The following PER1 variants were observed in gnomAD, a reference collection of about 807,000 sequenced individuals.
PER1 encodes period circadian regulator 1.
In PER1, 87 loss-of-function variants were observed where a neutral mutation model predicts 125.9. The observed-to-expected ratio is 0.69, with a 90% confidence interval of 0.58 to 0.83. The LOEUF (loss-of-function observed/expected upper bound fraction) is 0.83. Among genes scored for constraint, PER1 ranks in the 40% least tolerant of loss-of-function variants. PER1 has a pLI of 0.00. For synonymous variants in PER1, 801 were observed against 714.7 expected, an observed-to-expected ratio of 1.12 and a Z score of -1.93; for missense variants, 1,775 against 1,722.8, an observed-to-expected ratio of 1.03 and a Z score of -0.54.
At position 8,143,653 on chromosome 17, in the gene PER1, G is replaced by A. The variant is rs769568741; in HGVS notation, c.2685C>T (p.Pro895=). ...ATGTGGGAGCAGGGGGAAGAGGCTG[G>A]GGGCCTCCTCGAGGAGAGAACACTG... is the stretch of plus-strand genomic sequence containing the variant. ...PLPVFSPRGG[P]QPLPPAPTSV... is the part of the protein sequence containing the mutation. The change falls in exon 19 of 23, where the codon CCC becomes CCT. Residue 895 remains proline (P), a synonymous_variant. Transcript: ENST00000317276. 6.8e-7 allele frequency: 1 copy of A among 1,459,952 alleles called. No individual in the cohort carries two copies. Among genetic ancestry groups the A allele is most frequent in the Non-Finnish European group, 9.1e-7 (1 of 1,098,466 alleles). The allele number at this position is 1,459,952 out of a possible 1,614,324, so 90.4% of individuals were successfully genotyped here.
At position 8,142,415 on chromosome 17, in the gene PER1, G is replaced by A. The variant is rs762847470; in HGVS notation, c.3303C>T (p.Ile1101=). The A allele has an allele frequency of 1.9e-5, 30 of 1,605,052 alleles. No individual in the cohort carries two copies. The highest frequency in any genetic ancestry group is 2.4e-5 in the Non-Finnish European group (28 of 1,176,220). The change falls in exon 21 of 23, where the codon ATC becomes ATT. Residue 1101 remains isoleucine (I), a synonymous_variant. Coordinates refer to ENST00000317276, the MANE Select transcript of PER1 (RefSeq NM_002616.3). ...CCCCAGCCTCAGCCTCGGAAGAGTCGATGCTGCCAAAGTATTTGCTTGTGT... is the reference window on the plus strand; with the variant it reads ...CCCCAGCCTCAGCCTCGGAAGAGTCAATGCTGCCAAAGTATTTGCTTGTGT... ...SSHTSKYFGS[I]DSSEAEAGAA... is the part of the protein sequence containing the mutation.
chr17:8,144,705 C>T, intron 18 of PER1, 46 bp downstream of exon 18: 5 of 1,540,986 alleles, frequency 3.2e-6, no homozygotes, highest in Non-Finnish European at 4.4e-6. Flanking sequence ...ACAATCCAGT[C>T]CTAGACTGGG....
intron 7 of PER1, chr17:8,149,045 T>C (rs2518026): frequency 0.61 from 369,389 of 608,484 alleles, 113,198 homozygotes; most frequent in Admixed American, 0.66. Flanking sequence ...AAAAATTAGC[T>C]GGGCGTGGTG....
chr17:8,147,353 A>G lies in PER1; in HGVS notation c.1526T>C (p.Leu509Pro). 2 of 1,613,716 alleles carry G rather than the reference A, an allele frequency of 1.2e-6. No homozygotes were observed. The highest frequency in any genetic ancestry group is 1.7e-6 in the Non-Finnish European group (2 of 1,179,946). ...GGATGTCACGGCGCCGACTCCACAGAGTCCCGTGGGGCTGGGGCTGTGGAC... is the reference window on the plus strand; with the variant it reads ...GGATGTCACGGCGCCGACTCCACAGGGTCCCGTGGGGCTGGGGCTGTGGAC... ...QPVHSPSPTG[L>P]CGVGAVTSPG... Residue 509 changes from leucine to proline, a missense_variant, in exon 13 of 23, where the codon CTC becomes CCC. Coordinates refer to ENST00000317276, the MANE Select transcript of PER1 (RefSeq NM_002616.3).
chr17:8,151,910 T>C (rs1982883034), intron 1 of PER1, among the ~76,000 whole-genome samples: 1 of 152,116 alleles, frequency 6.6e-6, no homozygotes, highest in Non-Finnish European at 1.5e-5. Flanking sequence ...GAACCAGCGC[T>C]GGGAACGGGA....
chr17:8,144,997 A>C lies in PER1; in HGVS notation c.2219-4T>G. ...AGGTCCTCCATCATGATGATGTCTG[A>C]GGAGAGTGAGATAGGGAAAGGTCAT... On this transcript the variant is annotated splice_region_variant and splice_polypyrimidine_tract_variant and intron_variant, in intron 17 of 22. Transcript: ENST00000317276. The C allele has an allele frequency of 6.8e-7, 1 of 1,473,772 alleles. No homozygotes were observed. Among genetic ancestry groups the C allele is most frequent in the East Asian group, 2.4e-5 (1 of 41,240 alleles). The allele number at this position is 1,473,772 out of a possible 1,614,324, so 91.3% of individuals were successfully genotyped here. A position where few individuals can be genotyped will look rare whatever the true frequency, so the allele number is the denominator to read the frequency against.
rs763122730 is a variant in PER1 at position 8,141,157 on chromosome 17, T to C, written c.3784A>G (p.Ser1262Gly). ...TCCTCCATAGCCAAGTCCTGAGAGC[T>C]TGAAGCCTTGGCCCCGCCTTGGGCC... ...EEAQGGAKAS[S>G]SQDLAMEEEE... The change falls in exon 23 of 23, where the codon AGC becomes GGC. Residue 1262 changes from serine (S) to glycine (G), a missense_variant. Physicochemically the swap from Ser to Gly is moderately conservative, Grantham distance 56 (BLOSUM62 0). Transcript: ENST00000317276. 5.0e-6 allele frequency: 8 copies of C among 1,614,220 alleles called. No individual in the cohort carries two copies. Among genetic ancestry groups the C allele is most frequent in the East Asian group, 2.2e-5 (1 of 44,884 alleles).
chr17:8,150,095 C>T lies in PER1; in HGVS notation c.405G>A (p.Gln135=), dbSNP rs1982743352. Residue 135 remains glutamine, a synonymous_variant, in exon 4 of 23, where the codon CAG becomes CAA. Coordinates refer to ENST00000317276, the MANE Select transcript of PER1 (RefSeq NM_002616.3). ...CTCGAAGTGCTGTCATGAGTTCCTTCTGAGTCCTTGCCCGGGCTGACTGTT... is the reference window on the plus strand; with the variant it reads ...CTCGAAGTGCTGTCATGAGTTCCTTTTGAGTCCTTGCCCGGGCTGACTGTT... ...SSEQSARART[Q]KELMTALREL... is the part of the protein sequence containing the mutation. 1 of 1,614,226 alleles carries T rather than the reference C, an allele frequency of 6.2e-7. No homozygotes were observed. Among genetic ancestry groups the T allele is most frequent in the Non-Finnish European group, 8.5e-7 (1 of 1,180,036 alleles).
intron 1 of PER1, among the ~76,000 whole-genome samples, chr17:8,152,092 G>A (rs1004902145): frequency 6.6e-6 from 1 of 152,226 alleles, no homozygotes; most frequent in Non-Finnish European, 1.5e-5. Context: ...TCGGCTGTGG[G>A]GCCGGGAAAG....
rs1019967302 is a variant in PER1 at position 8,140,754 on chromosome 17, T to G, written c.*314A>C. The G allele has an allele frequency of 2.1e-5, 7 of 331,174 alleles. No homozygotes were observed. Among genetic ancestry groups the G allele is most frequent in the Non-Finnish European group, 1.1e-5 (2 of 176,680 alleles). The allele number at this position is 331,174 out of a possible 1,614,324, so 20.5% of individuals were successfully genotyped here. ...CAGCCCCAACCCTCAAGAGTCAGAT[T>G]CAGGCTCAGCTGGAATATGGAGAGG... On this transcript the variant is annotated 3_prime_UTR_variant, in exon 23 of 23. Coordinates refer to ENST00000317276, the MANE Select transcript of PER1 (RefSeq NM_002616.3).
In PER1 at chr17:8,141,831, G is replaced by A; in HGVS notation, c.3574C>T (p.Gln1192Ter). 6.2e-7 allele frequency: 1 copy of A among 1,613,704 alleles called. No homozygotes were observed. Among genetic ancestry groups the A allele is most frequent in the Non-Finnish European group, 8.5e-7 (1 of 1,179,960 alleles). The change falls in exon 22 of 23, where the codon CAA (glutamine) becomes TAA (stop). Residue 1192 changes from glutamine (Q) to a stop codon, truncating the protein, a stop_gained. Coordinates refer to ENST00000317276, the MANE Select transcript of PER1 (RefSeq NM_002616.3). LOFTEE classifies it high-confidence loss of function. The part of the protein sequence containing the change: ...GAVHSWVRKG[Q>*]LPRALDVMAC... ...ATCACATCAAGAGCCCGAGGCAGTTGGCCCTTCCGGACCCAGGAGTGCACA... is the reference window on the plus strand; with the variant it reads ...ATCACATCAAGAGCCCGAGGCAGTTAGCCCTTCCGGACCCAGGAGTGCACA...
intron 13 of PER1, 38 bp from the exon 14 acceptor site, chr17:8,147,040 G>A (rs1452889629): frequency 1.3e-6 from 2 of 1,545,044 alleles, no homozygotes; most frequent in East Asian, 2.2e-5. Context: ...GAACCAGGGG[G>A]TGTCGCCAGT....
intron 8 of PER1, 44 bp downstream of exon 8, chr17:8,148,600 C>T (rs1378902707): frequency 1.3e-6 from 2 of 1,553,756 alleles, no homozygotes. Flanking sequence ...GAGGAAATGT[C>T]CTTCCTCCCA....
rs746077366 is a variant in PER1, at chr17:8,145,940, C to G, written c.2218+18G>C. 10 of 1,578,096 alleles carry G rather than the reference C, an allele frequency of 6.3e-6. No homozygotes were observed. The highest frequency in any genetic ancestry group is 1.7e-4 in the Middle Eastern group (1 of 5,914). On this transcript the variant is annotated intron_variant, in intron 17 of 22. Transcript: ENST00000317276. ...ACCGGTGGAGCCCAAGCACTGCCCC[C>G]CAATTCCACACCCATACCCGACTCC... is the stretch of plus-strand genomic sequence containing the variant.
rs199630811 is a variant in PER1, at chr17:8,148,758, G to A, written c.934C>T (p.Arg312Trp). The part of the protein sequence containing the change: ...RGGPDRDPGP[R>W]YQPFRLTPYV... Reference sequence around the variant, plus strand: ...GGGGTTAGGCGGAATGGCTGGTACCGAGGCCCTGGATCCCGGTCAGGACCT... The same window carrying A: ...GGGGTTAGGCGGAATGGCTGGTACCAAGGCCCTGGATCCCGGTCAGGACCT... Residue 312 changes from arginine (R) to tryptophan (W), a missense_variant, in exon 8 of 23, where the codon CGG (arginine) becomes TGG (tryptophan). Transcript: ENST00000317276. 7.3e-5 allele frequency: 118 copies of A among 1,613,618 alleles called. 1 individual carries two copies. Among genetic ancestry groups the A allele is most frequent in the South Asian group, 5.9e-4 (54 of 91,026 alleles).
Position 8,147,285 on chromosome 17 carries a change from C to G in PER1, c.1594G>C (p.Gly532Arg). The G allele has an allele frequency of 6.2e-7, 1 of 1,613,024 alleles. No homozygotes were observed. The highest frequency in any genetic ancestry group is 8.5e-7 in the Non-Finnish European group (1 of 1,179,614). Reference protein sequence around the residue: ...HSPGSSSDSNGGDAEGPGPPA... With the variant: ...HSPGSSSDSNRGDAEGPGPPA... Reference sequence around the variant, plus strand: ...GGCCCAGGCCCCTCTGCATCACCCCCGTTGCTATCACTGGAGGACCCAGGG... The same window carrying G: ...GGCCCAGGCCCCTCTGCATCACCCCGGTTGCTATCACTGGAGGACCCAGGG... The change falls in exon 13 of 23, where the codon GGG (glycine) becomes CGG (arginine). Residue 532 changes from glycine (G) to arginine (R), a missense_variant. Gly to Arg is a moderately radical substitution (Grantham distance 125, BLOSUM62 -2). Coordinates refer to ENST00000317276, the MANE Select transcript of PER1 (RefSeq NM_002616.3).
In PER1 at chr17:8,146,756, G is replaced by A. The variant is rs573783648; in HGVS notation, c.1745C>T (p.Thr582Met). ...QSRPRLPATG[T>M]FKAKALPCQS... ...GCAGGGAAGGGCCTTGGCCTTGAAC[G>A]TGCCTGTAGCTGGGGCAAAGAGAGA... The change falls in exon 15 of 23, where the codon ACG becomes ATG. Residue 582 changes from threonine (T) to methionine (M), a missense_variant. Thr to Met is a moderately conservative substitution (Grantham distance 81, BLOSUM62 -1). Transcript: ENST00000317276. The A allele has an allele frequency of 1.7e-5, 28 of 1,610,624 alleles. No individual in the cohort carries two copies. The highest frequency in any genetic ancestry group is 3.4e-5 in the Admixed American group (2 of 58,972).
At position 8,143,433 on chromosome 17, in the gene PER1, G is replaced by C. The variant is rs147008910; in HGVS notation, c.2905C>G (p.Pro969Ala). The change falls in exon 19 of 23, where the codon CCG becomes GCG. Residue 969 changes from proline to alanine, a missense_variant. Pro to Ala is a conservative substitution (Grantham distance 27, BLOSUM62 -1). Coordinates refer to ENST00000317276, the MANE Select transcript of PER1 (RefSeq NM_002616.3). ...PALAPSPPHR[P>A]DSPLFNSRCS... Reference sequence around the variant, plus strand: ...CTCGAGTTGAACAGTGGAGAGTCCGGGCGGTGAGGAGGACTCGGGGCGAGG... The same window carrying C: ...CTCGAGTTGAACAGTGGAGAGTCCGCGCGGTGAGGAGGACTCGGGGCGAGG... The C allele has an allele frequency of 7.3e-4, 1,181 of 1,612,658 alleles. 2 individuals are homozygous for C. Among genetic ancestry groups the C allele is most frequent in the South Asian group, 2.4e-3 (215 of 90,880 alleles).
At chr17:8,148,975 G>C in intron 7 of PER1, 189 bp from the exon 8 acceptor site, 1 of 669,900 alleles carries the variant, frequency 1.5e-6, no homozygotes, top group Non-Finnish European at 2.5e-6. Context: ...GATCACCTGA[G>C]GTCAGGAGTT....
Sources: gnomAD v4.1 joint callset for allele counts (sites outside exome capture counted in the v4.1 genomes callset) on GRCh38, gnomAD v4.1.1 for gene constraint, MANE v1.5 for transcripts, NCBI Gene and HGNC (gene_info 2026-07-23, HGNC 2026-07-21) for gene names.